Variants in PRKG1 observed in about 807,000 individuals in gnomAD.
The protein encoded by PRKG1 is protein kinase cGMP-dependent 1, also known as cGMP-dependent protein kinase 1.
In PRKG1, 35 loss-of-function variants were observed where a neutral mutation model predicts 88.1. The ratio of observed to expected loss-of-function variants is 0.40; its 90% CI spans 0.30 to 0.53. PRKG1 has a LOEUF of 0.53. Among genes scored for constraint, PRKG1 ranks in the 20% least tolerant of loss-of-function variants. The pLI is 0.59. For synonymous variants in PRKG1, 303 were observed against 292.5 expected (o/e 1.04, Z -0.37); for missense variants, 540 against 839.8 (o/e 0.64, Z 4.41).
intron 2 of PRKG1, among the ~76,000 whole-genome samples, chr10:51,277,306 G>T (rs1297658839): frequency 6.6e-6 from 1 of 152,142 alleles, no homozygotes; most frequent in Non-Finnish European, 1.5e-5. Flanking sequence ...GCTGTGTTCT[G>T]TTCCATTGGT....
intron 3 of PRKG1, among the ~76,000 whole-genome samples, chr10:51,771,576 C>A (rs772900447): frequency 1.3e-5 from 2 of 152,100 alleles, no homozygotes; most frequent in Non-Finnish European, 2.9e-5. Context: ...CCACGCTTGG[C>A]CTTGAAATCT....
At chr10:51,963,114 T>TA (rs149975256) in intron 5 of PRKG1, among the ~76,000 whole-genome samples, 2 of 151,954 alleles carry the variant, frequency 1.3e-5, no homozygotes, top group African/African-American at 2.4e-5. Context: ...AGCAAAAAGG[T>TA]AAAAAAAATT....
intron 3 of PRKG1, among the ~76,000 whole-genome samples, chr10:51,803,718 G>GT (rs57650252): frequency 0.016 from 2,394 of 149,748 alleles, 78 homozygotes; most frequent in African/African-American, 0.056. Flanking sequence ...TATTTGAATT[G>GT]TTTTTTTTTA....
At chr10:51,468,749 G>A (rs1839972281) in intron 3 of PRKG1, among the ~76,000 whole-genome samples, 1 of 151,804 alleles carries the variant, frequency 6.6e-6, no homozygotes, top group African/African-American at 2.4e-5. Flanking sequence ...CAAGTACATT[G>A]TGAATTTCAA....
rs149426249 is a variant in PRKG1, at chr10:51,263,339, C to G, written c.478+110009C>G. On this transcript the variant is annotated intron_variant, in intron 2 of 17. Coordinates refer to ENST00000373980, the MANE Select transcript of PRKG1 (RefSeq NM_006258.4). ...ACGATATCCCAGTGACTTGCCTTTCCAGTTTTTGTTTGTTTGTTTGTTTGT... is the reference window on the plus strand; with the variant it reads ...ACGATATCCCAGTGACTTGCCTTTCGAGTTTTTGTTTGTTTGTTTGTTTGT... 5.9e-5 allele frequency among the ~76,000 whole-genome samples: 9 copies of G among 152,244 alleles called. No individual in the cohort carries two copies. In the East Asian group the frequency reaches 1.7e-3, roughly 29 times the overall value.
At chr10:52,011,359 T>C (rs1474212647) in intron 5 of PRKG1, among the ~76,000 whole-genome samples, 1 of 152,186 alleles carries the variant, frequency 6.6e-6, no homozygotes, top group Non-Finnish European at 1.5e-5. Flanking sequence ...CTATTTAACT[T>C]CCCAAAAATA....
chr10:51,002,139 G>T (rs1428747951), intron 1 of PRKG1, among the ~76,000 whole-genome samples: 1 of 151,688 alleles, frequency 6.6e-6, no homozygotes, highest in Non-Finnish European at 1.5e-5. Context: ...ATATTTGGCT[G>T]AGAGGAGAAA....
intron 3 of PRKG1, among the ~76,000 whole-genome samples, chr10:51,664,387 G>A (rs1840372642): frequency 6.6e-6 from 1 of 152,086 alleles, no homozygotes; most frequent in African/African-American, 2.4e-5. Flanking sequence ...AAGTAATAAG[G>A]ATCTGTGTTC....
intron 9 of PRKG1, among the ~76,000 whole-genome samples, chr10:52,164,360 G>GTAAA (rs200650039): frequency 1.2e-3 from 162 of 140,308 alleles, no homozygotes; most frequent in Non-Finnish European, 1.6e-3. Context: ...TCAAAAATAA[G>GTAAA]TAAGTAAATA....
At chr10:51,078,633 T>C (rs1220262355) in intron 1 of PRKG1, among the ~76,000 whole-genome samples, 1 of 136,714 alleles carries the variant, frequency 7.3e-6, no homozygotes, top group African/African-American at 2.8e-5. Flanking sequence ...TATTTATTTA[T>C]TGAGACGGAG....
intron 4 of PRKG1, among the ~76,000 whole-genome samples, chr10:51,858,632 CA>C (rs1435612934): frequency 6.6e-5 from 10 of 150,476 alleles, no homozygotes; most frequent in Middle Eastern, 3.4e-3. Flanking sequence ...GGTCCTTTCA[CA>C]TGCCTGTACA....
intron 5 of PRKG1, among the ~76,000 whole-genome samples, chr10:52,009,028 C>CA (rs1564427224): frequency 1.3e-5 from 2 of 151,902 alleles, no homozygotes; most frequent in South Asian, 2.1e-4. Flanking sequence ...AAATATACTT[C>CA]AAAAAAATAA....
intron 1 of PRKG1, among the ~76,000 whole-genome samples, chr10:51,014,296 T>C (rs1002025126): frequency 6.6e-6 from 1 of 150,624 alleles, no homozygotes; most frequent in African/African-American, 2.4e-5. Flanking sequence ...TTGTAGGAGC[T>C]ACTCCTGCAT....
chr10:51,454,058 A>G (rs1839512486), intron 2 of PRKG1, among the ~76,000 whole-genome samples: 1 of 152,100 alleles, frequency 6.6e-6, no homozygotes, highest in Admixed American at 6.6e-5. Flanking sequence ...AGATCTCTGC[A>G]AAGAAACTTA....
intron 9 of PRKG1, among the ~76,000 whole-genome samples, chr10:52,166,787 C>CTATATATATATATATATGTATATATATA (rs201538311): frequency 8.0e-5 from 1 of 12,448 alleles, no homozygotes; most frequent in Non-Finnish European, 9.3e-4. Flanking sequence ...ATAAAAAAGC[C>CTATATATATATATATATGTATATATATA]TATATATATA....
chr10:51,104,345 A>G (rs1183056197), intron 1 of PRKG1, among the ~76,000 whole-genome samples: 2 of 152,228 alleles, frequency 1.3e-5, no homozygotes, highest in Admixed American at 6.5e-5. Flanking sequence ...CAATCTTCAC[A>G]TATAACTTTG....
chr10:51,568,236 T>C (rs1051639316), intron 3 of PRKG1, among the ~76,000 whole-genome samples: 5 of 152,070 alleles, frequency 3.3e-5, no homozygotes, highest in Admixed American at 2.0e-4. Context: ...AGATGACATT[T>C]TATTGGCAGA....
At chr10:52,242,149 G>A (rs1406702648) in intron 9 of PRKG1, 2 of 152,170 alleles carry the variant, frequency 1.3e-5, no homozygotes, top group Non-Finnish European at 2.9e-5. Flanking sequence ...AGGAGGAGGA[G>A]TCATTTTCAT....
At chr10:51,954,622 A>G (rs1289024579) in intron 5 of PRKG1, among the ~76,000 whole-genome samples, 1 of 152,222 alleles carries the variant, frequency 6.6e-6, no homozygotes, top group Non-Finnish European at 1.5e-5. Flanking sequence ...TTCTCTGAAC[A>G]TAGACGCCCA....
Sources: allele counts gnomAD v4.1 joint callset (sites outside exome capture counted in the v4.1 genomes callset), GRCh38; gene constraint gnomAD v4.1.1; transcripts MANE v1.5; gene names NCBI Gene and HGNC (gene_info 2026-07-23, HGNC 2026-07-21).